TRPM4: variants seen among roughly 807,000 people sequenced by gnomAD.
The protein encoded by TRPM4 is transient receptor potential cation channel subfamily M member 4.
Under a neutral mutation model 135.6 loss-of-function variants are expected in TRPM4, and 124 were observed. That is an observed-to-expected ratio of 0.91 (90% CI 0.79 to 1.06). TRPM4 has a LOEUF of 1.06. TRPM4 is among the 50% of genes least tolerant of loss of function. The probability of loss-of-function intolerance (pLI) is 0.00; values close to 1 mark genes in which losing one functional copy is unlikely to be tolerated. For synonymous variants in TRPM4, 745 were observed against 705.6 expected (o/e 1.06, Z -0.88); for missense variants, 1,658 against 1,671.4 (o/e 0.99, Z 0.14).
intron 17 of TRPM4, 79 bp downstream of exon 17, chr19:49,196,953 C>T (rs1600502045): frequency 5.8e-6 from 8 of 1,381,730 alleles, no homozygotes; most frequent in South Asian, 2.7e-5. Context: ...TCTCCACTCC[C>T]GGCTTCCCCG....
intron 12 of TRPM4, among the ~76,000 whole-genome samples, chr19:49,184,452 CTTTTTTTTTTTT>C (rs67748057): frequency 2.2e-5 from 1 of 45,476 alleles, no homozygotes; most frequent in African/African-American, 1.1e-4. Context: ...TCTCTGTAGT[CTTTTTTTTTTTT>C]TTTTTTTTTT....
Position 49,182,909 on chromosome 19 carries a change from G to A in TRPM4, c.1595G>A (p.Gly532Asp), listed in dbSNP as rs1259542267. The A allele has an allele frequency of 1.3e-6, 2 of 1,594,618 alleles. No homozygotes were observed. Among genetic ancestry groups the A allele is most frequent in the Non-Finnish European group, 1.7e-6 (2 of 1,170,754 alleles). Residue 532 changes from glycine to aspartate, a missense_variant, in exon 11 of 25, where the codon GGC (glycine) becomes GAC (aspartate). Physicochemically the swap from Gly to Asp is moderately conservative, Grantham distance 94. This residue lies in a region of TRPM4 where 1,412 missense variants were observed against 1,408.7 expected (regional missense o/e 1.00). Coordinates refer to ENST00000252826, the MANE Select transcript of TRPM4 (RefSeq NM_017636.4). Reference protein sequence around the residue: ...GGAWDPHPGQGFGESMYLLSD... With the variant: ...GGAWDPHPGQDFGESMYLLSD... The stretch of plus-strand genomic sequence containing the variant: ...GCCTGGGACCCTCACCCAGGCCAGG[G>A]CTTCGGGGAGAGCGTAAGGACCGGG...
chr19:49,168,030 C>G lies in TRPM4; in HGVS notation c.381C>G (p.Gly127=). 1 of 1,612,872 alleles carries G rather than the reference C, an allele frequency of 6.2e-7. No homozygotes were observed. Among genetic ancestry groups the G allele is most frequent in the South Asian group, 1.1e-5 (1 of 91,084 alleles). ...LVVSVLGGSG[G]PVLQTWLQDL... is the part of the protein sequence containing the mutation. ...TGTCAGTGCTGGGGGGATCGGGGGGCCCCGTCCTCCAGACCTGGCTGCAGG... is the reference window on the plus strand; with the variant it reads ...TGTCAGTGCTGGGGGGATCGGGGGGGCCCGTCCTCCAGACCTGGCTGCAGG... The change falls in exon 4 of 25, where the codon GGC becomes GGG. Residue 127 remains glycine (G), a synonymous_variant. Coordinates refer to ENST00000252826, the MANE Select transcript of TRPM4 (RefSeq NM_017636.4).
Position 49,210,614 on chromosome 19 carries a change from T to G in TRPM4, c.3329-96T>G, listed in dbSNP as rs1477421116. On this transcript the variant is annotated intron_variant, in intron 21 of 24. Coordinates refer to ENST00000252826, the MANE Select transcript of TRPM4 (RefSeq NM_017636.4). The surrounding 1 kb of genome is among the most constrained non-coding windows in gnomAD (Gnocchi z 4.1). ...TGTTCTCGAATCACCAGGGGCTGGGTCTGGGATAGCGTGCGTGTTCTGAGG... is the reference window on the plus strand; with the variant it reads ...TGTTCTCGAATCACCAGGGGCTGGGGCTGGGATAGCGTGCGTGTTCTGAGG... The G allele has an allele frequency of 1.3e-5, 20 of 1,586,032 alleles. No homozygotes were observed. In the Admixed American group the frequency reaches 1.7e-4, roughly 13 times the overall value.
intron 14 of TRPM4, 96 bp downstream of exon 14, chr19:49,189,187 G>T: frequency 6.5e-7 from 1 of 1,530,478 alleles, no homozygotes; most frequent in South Asian, 1.1e-5. Flanking sequence ...CTATGGTCTT[G>T]ACCAGCCACT....
intron 19 of TRPM4, among the ~76,000 whole-genome samples, chr19:49,201,259 T>A (rs1175808): frequency 0.023 from 3,532 of 152,224 alleles, 126 homozygotes; most frequent in African/African-American, 0.079. Flanking sequence ...TTTGTATTTG[T>A]CTTGATTGGC....
At chr19:49,201,556 A>G (rs1032235099) in intron 19 of TRPM4, among the ~76,000 whole-genome samples, 6 of 152,304 alleles carry the variant, frequency 3.9e-5, no homozygotes, top group Admixed American at 3.9e-4. Flanking sequence ...AGAAGTTACT[A>G]TTTATTGTTA....
intron 12 of TRPM4, among the ~76,000 whole-genome samples, chr19:49,188,219 C>T (rs1174375431): frequency 6.6e-6 from 1 of 152,160 alleles, no homozygotes; most frequent in Non-Finnish European, 1.5e-5. Context: ...TGAGCGAGGA[C>T]AGCTTAAGGG....
chr19:49,181,512 G>T, intron 10 of TRPM4, 51 bp downstream of exon 10: 6 of 1,119,942 alleles, frequency 5.4e-6, no homozygotes, highest in Non-Finnish European at 7.9e-6. Context: ...GGACTGTGCT[G>T]TCCTCCCTCT....
chr19:49,196,753 A>G lies in TRPM4; in HGVS notation c.2524A>G (p.Ser842Gly). The stretch of plus-strand genomic sequence containing the variant: ...GAGCGGAGGCGGGGGCAGCCTCGCC[A>G]GCGGGGGCCCCGGGCCTGGCCATGC... ...GLSGGGGSLASGGPGPGHASL... is the reference protein window; with the variant it reads ...GLSGGGGSLAGGGPGPGHASL... Residue 842 changes from serine to glycine, a missense_variant, in exon 17 of 25, where the codon AGC becomes GGC. By Grantham distance (56) the Ser-to-Gly change is moderately conservative. Transcript: ENST00000252826. The G allele has an allele frequency of 1.9e-6, 3 of 1,549,338 alleles. No individual in the cohort carries two copies. Among genetic ancestry groups the G allele is most frequent in the Non-Finnish European group, 2.6e-6 (3 of 1,154,108 alleles).
At chr19:49,178,756 T>C (rs1320578616) in intron 9 of TRPM4, among the ~76,000 whole-genome samples, 1 of 127,568 alleles carries the variant, frequency 7.8e-6, no homozygotes, top group Non-Finnish European at 1.7e-5. Context: ...TTATTATTAT[T>C]TTTATTTTTT....
At chr19:49,193,571 C>CA (rs200732719) in intron 16 of TRPM4, among the ~76,000 whole-genome samples, 1,957 of 152,206 alleles carry the variant, frequency 0.013, 40 homozygotes, top group African/African-American at 0.044. Context: ...GGAGCCCCCC[C>CA]ACTGAGAGCT....
chr19:49,210,095 C>A lies in TRPM4; in HGVS notation c.3132-114C>A. On this transcript the variant is annotated intron_variant, in intron 20 of 24. Coordinates refer to ENST00000252826, the MANE Select transcript of TRPM4 (RefSeq NM_017636.4). This position sits in a 1 kb window ranked among gnomAD's most constrained non-coding sequence, Gnocchi z 4.1. ...TCCTGTAACCTCTGACTTTAGTGAT[C>A]TTGACTTCTGTCTGCTGCTATAGAC... 8.6e-7 allele frequency: 1 copy of A among 1,166,992 alleles called. No individual in the cohort carries two copies. The highest frequency in any genetic ancestry group is 1.3e-6 in the Non-Finnish European group (1 of 775,312). 72.3% of individuals were successfully genotyped at this position (1,166,992 alleles called of 1,614,324 possible).
intron 17 of TRPM4, among the ~76,000 whole-genome samples, chr19:49,197,339 T>A (rs1968713838): frequency 7.6e-6 from 1 of 131,116 alleles, no homozygotes. Context: ...TTTCTTTCTT[T>A]CTTTCTTTCT....
chr19:49,210,673 C>A lies in TRPM4; in HGVS notation c.3329-37C>A. On this transcript the variant is annotated intron_variant, in intron 21 of 24. Transcript: ENST00000252826. The surrounding 1 kb of genome is among the most constrained non-coding windows in gnomAD (Gnocchi z 4.1). ...AGGGGCAGCTGGGATTGGGAAGGGG[C>A]GTGGCCTGAGCCCTTTGACTCCGCC... 1.2e-6 allele frequency: 2 copies of A among 1,613,604 alleles called. No individual in the cohort carries two copies. The highest frequency in any genetic ancestry group is 1.7e-6 in the Non-Finnish European group (2 of 1,179,938).
At chr19:49,207,266 C>T (rs955672558) in intron 20 of TRPM4, among the ~76,000 whole-genome samples, 4 of 152,086 alleles carry the variant, frequency 2.6e-5, no homozygotes, top group South Asian at 2.1e-4. Context: ...TTGGGTATGA[C>T]GGTAGCTGTG....
At position 49,196,801 on chromosome 19, in the gene TRPM4, C is replaced by A; in HGVS notation, c.2572C>A (p.Leu858Ile). Residue 858 changes from leucine to isoleucine, a missense_variant, in exon 17 of 25, where the codon CTC (leucine) becomes ATC (isoleucine). This residue lies in a region of TRPM4 where 1,412 missense variants were observed against 1,408.7 expected (regional missense o/e 1.00). Coordinates refer to ENST00000252826, the MANE Select transcript of TRPM4 (RefSeq NM_017636.4). ...TGCCTCACTGAGCCAGCGCCTGCGCCTCTACCTCGCCGACAGCTGGAACCA... is the reference window on the plus strand; with the variant it reads ...TGCCTCACTGAGCCAGCGCCTGCGCATCTACCTCGCCGACAGCTGGAACCA... Reference protein sequence around the residue: ...GHASLSQRLRLYLADSWNQCD... With the variant: ...GHASLSQRLRIYLADSWNQCD... 6.3e-7 allele frequency: 1 copy of A among 1,584,610 alleles called. No homozygotes were observed.
intron 20 of TRPM4, among the ~76,000 whole-genome samples, chr19:49,206,731 G>A (rs965050432): frequency 7.2e-5 from 11 of 152,322 alleles, no homozygotes; most frequent in African/African-American, 2.4e-4. Context: ...GAGCCACCGC[G>A]CCCGGCCAGT....
rs759597391 is a variant in TRPM4 at position 49,181,360 on chromosome 19, T to C, written c.1162T>C (p.Ser388Pro). The C allele has an allele frequency of 6.2e-7, 1 of 1,613,638 alleles. No homozygotes were observed. The change falls in exon 10 of 25, where the codon TCG (serine) becomes CCG (proline). Residue 388 changes from serine to proline, a missense_variant. This residue lies in a region of TRPM4 where 1,412 missense variants were observed against 1,408.7 expected (regional missense o/e 1.00). Transcript: ENST00000252826. ...LKALVKACGS[S>P]EASAYLDELR... ...TCTAATCCTTCCAGCCTGTGGGAGC[T>C]CGGAGGCCTCAGCCTACCTGGATGA...
Sources: gnomAD v4.1 joint callset for allele counts (sites outside exome capture counted in the v4.1 genomes callset) on GRCh38, gnomAD v4.1.1 for gene constraint, gnomAD v4.1.1 regional missense constraint, Gnocchi (gnomAD v3.1) non-coding constraint, MANE v1.5 for transcripts, NCBI Gene and HGNC (gene_info 2026-07-23, HGNC 2026-07-21) for gene names.